The following RFC5 variants were observed in gnomAD, a reference collection of about 807,000 sequenced individuals.
RFC5 encodes A1 36 kDa subunit.
In RFC5, 26 loss-of-function variants were observed where a neutral mutation model predicts 44.3. The observed-to-expected ratio is 0.59, with a 90% CI of 0.43 to 0.81. The LOEUF (loss-of-function observed/expected upper bound fraction) is 0.81, where lower values mean the gene tolerates loss of function less well. RFC5 is among the 40% of genes least tolerant of loss of function. The probability of loss-of-function intolerance (pLI) is 0.00; values close to 1 mark genes in which losing one functional copy is unlikely to be tolerated. For missense variants in RFC5, 328 were observed against 418.6 expected (o/e 0.78, Z 1.89); for synonymous variants, 155 against 155.2 (o/e 1.00, Z 0.01).
At position 118,026,992 on chromosome 12, in the gene RFC5, A is replaced by G; in HGVS notation, c.767A>G (p.Asn256Ser). The change falls in exon 8 of 11, where the codon AAT (asparagine) becomes AGT (serine). Residue 256 changes from asparagine (N) to serine (S), a missense_variant. Transcript: ENST00000454402. ...DIANILDWML[N>S]QDFTTAYRNI... Reference sequence around the variant, plus strand: ...GCCAACATCCTGGACTGGATGTTGAATCAAGATTTCACCACAGCCTACAGA... The same window carrying G: ...GCCAACATCCTGGACTGGATGTTGAGTCAAGATTTCACCACAGCCTACAGA... The G allele has an allele frequency of 6.2e-7, 1 of 1,613,580 alleles. No homozygotes were observed. The highest frequency in any genetic ancestry group is 8.5e-7 in the Non-Finnish European group (1 of 1,179,978).
At chr12:118,039,706 C>T in the RFC5 span, among the ~76,000 whole-genome samples, 21 of 151,842 alleles carry the variant, frequency 1.4e-4, no homozygotes, top group East Asian at 1.4e-3. Flanking sequence ...TAAGTTTATG[C>T]GGATGTATGG....
intron 5 of RFC5, 41 bp downstream of exon 5, chr12:118,022,400 AC>A: frequency 7.5e-7 from 1 of 1,337,174 alleles, no homozygotes; most frequent in Non-Finnish European, 1.1e-6. Flanking sequence ...TGGTGTGCAC[AC>A]TGGAAGGAGA....
At chr12:118,017,944 T>A (rs2030210268) in intron 1 of RFC5, 1 of 684,226 alleles carries the variant, frequency 1.5e-6, no homozygotes, top group Middle Eastern at 2.3e-4. Flanking sequence ...TCACCCCAAA[T>A]GGAAATCCTT....
At chr12:118,023,399 G>GGGA (rs144082401) in intron 5 of RFC5, among the ~76,000 whole-genome samples, 21,120 of 58,214 alleles carry the variant, frequency 0.36, 5,076 homozygotes, top group African/African-American at 0.45. Flanking sequence ...TGGGGGAAGG[G>GGGA]GGAGGAGGAG....
chr12:118,022,229 C>A, intron 4 of RFC5, 57 bp from the exon 5 acceptor site: 1 of 1,352,362 alleles, frequency 7.4e-7, no homozygotes, highest in Non-Finnish European at 1.1e-6. Flanking sequence ...TAGGTTTGAG[C>A]CCAGATGTTG....
the RFC5 span, among the ~76,000 whole-genome samples, chr12:118,040,711 T>A: frequency 6.7e-6 from 1 of 149,292 alleles, no homozygotes; most frequent in Non-Finnish European, 1.5e-5. Flanking sequence ...CAGCAGCACA[T>A]CTTAGACTGT....
At chr12:118,020,044 TG>T (rs1362772755) in intron 3 of RFC5, among the ~76,000 whole-genome samples, 1 of 152,226 alleles carries the variant, frequency 6.6e-6, no homozygotes, top group African/African-American at 2.4e-5. Flanking sequence ...GGTTGCTGCC[TG>T]TCTGCCATGG....
At chr12:118,017,181 G>A (rs765202288) in intron 1 of RFC5, among the ~76,000 whole-genome samples, 28 of 152,312 alleles carry the variant, frequency 1.8e-4, no homozygotes, top group South Asian at 8.3e-4. Flanking sequence ...TCGATCCCGC[G>A]TCTCCTGACG....
chr12:118,024,390 C>T (rs1164794360), intron 5 of RFC5, among the ~76,000 whole-genome samples: 3 of 151,942 alleles, frequency 2.0e-5, no homozygotes, highest in Admixed American at 6.6e-5. Flanking sequence ...CAGGCCAGCA[C>T]TGCCCTGTCT....
rs1195346364 is a variant in RFC5, at chr12:118,019,446, GC to G, written c.131-185del. ...GCACTCAATAAATACTTGTTGACTG[GC>G]TGCGCTATTGAGTGAATTCCAGTTG... On this transcript the variant is annotated intron_variant, in intron 2 of 10. Coordinates refer to ENST00000454402, the MANE Select transcript of RFC5 (RefSeq NM_007370.7). This position sits in a 1 kb window ranked among gnomAD's most constrained non-coding sequence, Gnocchi z 4.2. Among the ~76,000 whole-genome samples, 1 of 152,172 alleles carries G rather than the reference GC, an allele frequency of 6.6e-6. No individual in the cohort carries two copies. Among genetic ancestry groups the G allele is most frequent in the East Asian group, 1.9e-4 (1 of 5,196 alleles).
At chr12:118,017,804 G>A (rs1423666437) in intron 1 of RFC5, 1 of 673,882 alleles carries the variant, frequency 1.5e-6, no homozygotes, top group African/African-American at 1.8e-5. Flanking sequence ...CGAAGAACTG[G>A]GACTTTTAGA....
At chr12:118,036,387 T>C, downstream of RFC5, 2 of 1,614,050 alleles carry the variant, frequency 1.2e-6, no homozygotes, top group Non-Finnish European at 1.7e-6. Flanking sequence ...ATAATCACAT[T>C]GGTATCGTAA....
intron 5 of RFC5, among the ~76,000 whole-genome samples, chr12:118,023,826 A>G (rs568708054): frequency 2.9e-4 from 44 of 151,120 alleles, no homozygotes; most frequent in African/African-American, 8.9e-4. Context: ...TCATAGTCTT[A>G]ATGGGATTAC....
the RFC5 span, among the ~76,000 whole-genome samples, chr12:118,038,968 T>C: frequency 6.6e-6 from 1 of 152,168 alleles, no homozygotes; most frequent in Admixed American, 6.6e-5. Flanking sequence ...GGTTTCCTCA[T>C]AGGAAACCAT....
At chr12:118,033,214 G>A (rs1019416867), downstream of RFC5, 2 of 152,188 alleles carry the variant, frequency 1.3e-5, no homozygotes, top group East Asian at 1.9e-4. Context: ...TTTTTGTTTC[G>A]CAGTAGAGTT....
intron 8 of RFC5, 37 bp downstream of exon 8, chr12:118,027,055 G>A (rs2030997756): frequency 6.3e-7 from 1 of 1,597,500 alleles, no homozygotes; most frequent in South Asian, 1.1e-5. Context: ...ACCGAGACCT[G>A]AAGGTGGCCC....
intron 7 of RFC5, 57 bp from the exon 8 acceptor site, chr12:118,026,832 C>G (rs2030975957): frequency 1.3e-6 from 2 of 1,581,926 alleles, no homozygotes; most frequent in African/African-American, 2.7e-5. Flanking sequence ...CTCCCTGCAG[C>G]TTGGTGGCAG....
downstream of RFC5, chr12:118,036,349 C>CA (rs1386596735): frequency 2.5e-6 from 4 of 1,613,908 alleles, no homozygotes; most frequent in African/African-American, 2.7e-5. Context: ...GGAGTGACCT[C>CA]AGCCTTTCGC....
rs781449129 is a variant in RFC5, at chr12:118,031,307, G to C, written c.*29G>C. 2 of 1,437,874 alleles carry C rather than the reference G, an allele frequency of 1.4e-6. No homozygotes were observed. Among genetic ancestry groups the C allele is most frequent in the Non-Finnish European group, 2.0e-6 (2 of 1,021,232 alleles). 89.1% of individuals were successfully genotyped at this position (1,437,874 alleles called of 1,614,324 possible). On this transcript the variant is annotated 3_prime_UTR_variant, in exon 11 of 11. Coordinates refer to ENST00000454402, the MANE Select transcript of RFC5 (RefSeq NM_007370.7). ...CTCTGAGGGCCATTCACAATTCTCA[G>C]GGCTCAGCAGTGATGGGAGAACAGA...
Sources: gnomAD v4.1 joint callset for allele counts (sites outside exome capture counted in the v4.1 genomes callset) on GRCh38, gnomAD v4.1.1 for gene constraint, Gnocchi (gnomAD v3.1) non-coding constraint, MANE v1.5 for transcripts, NCBI Gene and HGNC (gene_info 2026-07-23, HGNC 2026-07-21) for gene names.